Variants in STIMATE observed in about 807,000 individuals in gnomAD.
STIMATE encodes the protein store-operated calcium entry regulator STIMATE.
A neutral mutation model predicts 36.7 loss-of-function variants in STIMATE; 15 were observed. The ratio of observed to expected loss-of-function variants is 0.41; its 90% CI spans 0.27 to 0.63. STIMATE has a LOEUF of 0.63. STIMATE is among the 20% of genes least tolerant of loss of function. STIMATE has a pLI of 0.32. For missense variants in STIMATE, 305 were observed against 397.3 expected (o/e 0.77, Z 1.98); for synonymous variants, 163 against 162.3 (o/e 1.00, Z -0.03).
intron 1 of STIMATE, among the ~76,000 whole-genome samples, chr3:52,882,488 T>C (rs746287325): frequency 1.3e-5 from 2 of 152,176 alleles, no homozygotes; most frequent in African/African-American, 2.4e-5. Flanking sequence ...GGATGTGGCA[T>C]GGATGCATCT....
chr3:52,882,049 T>C (rs1051727232), intron 1 of STIMATE, among the ~76,000 whole-genome samples: 3 of 152,266 alleles, frequency 2.0e-5, no homozygotes, highest in Non-Finnish European at 4.4e-5. Flanking sequence ...GCTCATGTTC[T>C]CTTGTAAGGC....
At chr3:52,841,703 A>G (rs1378256315) in intron 7 of STIMATE, 1 of 152,684 alleles carries the variant, frequency 6.5e-6, no homozygotes, top group Non-Finnish European at 1.5e-5. Context: ...CTGTACGAGC[A>G]CATCCCAATG....
At chr3:52,862,092 T>C (rs1575335429) in intron 1 of STIMATE, among the ~76,000 whole-genome samples, 2 of 152,190 alleles carry the variant, frequency 1.3e-5, no homozygotes, top group Non-Finnish European at 2.9e-5. Flanking sequence ...AGCCAAGTTG[T>C]CTCCTGCCCA....
chr3:52,876,917 G>T (rs1440711441), intron 1 of STIMATE, among the ~76,000 whole-genome samples: 1 of 152,192 alleles, frequency 6.6e-6, no homozygotes, highest in South Asian at 2.1e-4. Flanking sequence ...TCAACTGTGG[G>T]TGGAAAAACA....
At chr3:52,867,659 G>A (rs951903044) in intron 1 of STIMATE, among the ~76,000 whole-genome samples, 2 of 152,248 alleles carry the variant, frequency 1.3e-5, no homozygotes, top group African/African-American at 4.8e-5. Context: ...ACACAGGCGA[G>A]TGCTGAGGCA....
chr3:52,889,304 G>C (rs981344642), intron 1 of STIMATE, among the ~76,000 whole-genome samples: 1 of 152,212 alleles, frequency 6.6e-6, no homozygotes, highest in Non-Finnish European at 1.5e-5. Flanking sequence ...CTCAGTGGGC[G>C]ACGGTGGTTC....
At chr3:52,855,237 T>C (rs1477743621) in intron 2 of STIMATE, among the ~76,000 whole-genome samples, 159 bp downstream of exon 2, 1 of 152,160 alleles carries the variant, frequency 6.6e-6, no homozygotes, top group Non-Finnish European at 1.5e-5. Flanking sequence ...TATACACAGT[T>C]CCTAATGAAT....
intron 1 of STIMATE, among the ~76,000 whole-genome samples, chr3:52,883,156 A>G (rs927147982): frequency 6.6e-6 from 1 of 152,218 alleles, no homozygotes; most frequent in Non-Finnish European, 1.5e-5. Flanking sequence ...GAAGGATCAA[A>G]GCGCTTTCAT....
intron 1 of STIMATE, among the ~76,000 whole-genome samples, chr3:52,872,109 G>A (rs1158439099): frequency 6.6e-6 from 1 of 152,080 alleles, no homozygotes. Context: ...GGGTGTGCTT[G>A]TCCCACCTTG....
At chr3:52,846,586 A>T (rs1280206188) in intron 4 of STIMATE, 1 of 152,208 alleles carries the variant, frequency 6.6e-6, no homozygotes, top group Non-Finnish European at 1.5e-5. Context: ...CAAGGAGGAA[A>T]ATGCTTTTCC....
In STIMATE at chr3:52,840,536, C is replaced by A. The variant is rs199765986; in HGVS notation, c.843G>T (p.Lys281Asn). 77 of 1,613,908 alleles carry A rather than the reference C, an allele frequency of 4.8e-5. No homozygotes were observed. Among genetic ancestry groups the A allele is most frequent in the Non-Finnish European group, 5.8e-5 (69 of 1,179,974 alleles). ...AGCGGTGCTTCTTTTTCTTCACAGG[C>A]TTGAGGGGGGTCAGTCTGCGGAGGT... ...EEDLRRLTPL[K>N]PVKKKKHRFG... The change falls in exon 8 of 8, where the codon AAG becomes AAT. Residue 281 changes from lysine (K) to asparagine (N), a missense_variant. Lys to Asn is a moderately conservative substitution (Grantham distance 94). Coordinates refer to ENST00000355083, the MANE Select transcript of STIMATE (RefSeq NM_198563.5).
intron 7 of STIMATE, 90 bp from the exon 8 acceptor site, chr3:52,840,700 G>GTTTT: frequency 5.1e-5 from 41 of 796,926 alleles, no homozygotes; most frequent in Admixed American, 1.4e-4. Flanking sequence ...CAAGTCTCAT[G>GTTTT]TTTTTTTTTT....
At chr3:52,891,165 G>A (rs1201639994) in intron 1 of STIMATE, among the ~76,000 whole-genome samples, 1 of 152,154 alleles carries the variant, frequency 6.6e-6, no homozygotes, top group African/African-American at 2.4e-5. Context: ...CCACAGATAC[G>A]GAGTAATCAG....
intron 1 of STIMATE, among the ~76,000 whole-genome samples, chr3:52,894,890 C>T (rs973296134): frequency 2.6e-5 from 4 of 152,242 alleles, no homozygotes; most frequent in Non-Finnish European, 4.4e-5. Flanking sequence ...GTTTAAACTG[C>T]TCAGAACAGA....
intron 1 of STIMATE, among the ~76,000 whole-genome samples, chr3:52,877,441 T>C (rs1701518732): frequency 6.6e-6 from 1 of 152,166 alleles, no homozygotes; most frequent in African/African-American, 2.4e-5. Context: ...CATAAGTAAA[T>C]GTGTGCCATG....
intron 1 of STIMATE, among the ~76,000 whole-genome samples, chr3:52,880,134 T>A (rs576099902): frequency 3.8e-4 from 58 of 152,308 alleles, no homozygotes; most frequent in Admixed American, 3.8e-3. Context: ...GCATAGTTCA[T>A]GAGATCCTAG....
Position 52,840,113 on chromosome 3 carries a change from G to C in STIMATE, c.*381C>G, listed in dbSNP as rs571737080. On this transcript the variant is annotated 3_prime_UTR_variant, in exon 8 of 8. Transcript: ENST00000355083. ...TCGCACTGCCCACAGCCACGGTGAGGAGACCCACCCACGGTCTGTGTGCCT... is the reference window on the plus strand; with the variant it reads ...TCGCACTGCCCACAGCCACGGTGAGCAGACCCACCCACGGTCTGTGTGCCT... The C allele has an allele frequency of 6.5e-6, 1 of 152,814 alleles. No homozygotes were observed. The highest frequency in any genetic ancestry group is 1.5e-5 in the Non-Finnish European group (1 of 68,160). The allele number at this position is 152,814 out of a possible 1,614,324, so 9.5% of individuals were successfully genotyped here.
At chr3:52,859,493 C>A (rs1321099074) in intron 1 of STIMATE, among the ~76,000 whole-genome samples, 3 of 67,910 alleles carry the variant, frequency 4.4e-5, no homozygotes, top group Admixed American at 5.1e-4. Context: ...AAAGCAAGAC[C>A]CATTTCTCCA....
chr3:52,872,672 C>T (rs1435435923), intron 1 of STIMATE, among the ~76,000 whole-genome samples: 2 of 152,242 alleles, frequency 1.3e-5, no homozygotes, highest in Non-Finnish European at 2.9e-5. Flanking sequence ...GTCGCCCAGG[C>T]TGGAGTGCAA....
Sources: gnomAD v4.1 joint callset for allele counts (sites outside exome capture counted in the v4.1 genomes callset) on GRCh38, gnomAD v4.1.1 for gene constraint, MANE v1.5 for transcripts, NCBI Gene and HGNC (gene_info 2026-07-23, HGNC 2026-07-21) for gene names.